The following BTBD9 variants were observed in gnomAD, a reference collection of about 807,000 sequenced individuals.
BTBD9 encodes the protein BTB/POZ domain-containing protein 9.
Under a neutral mutation model 64.3 loss-of-function variants are expected in BTBD9, and 49 were observed. The observed-to-expected ratio is 0.76, with a 90% CI of 0.61 to 0.97. The LOEUF (loss-of-function observed/expected upper bound fraction) is 0.97, where lower values mean the gene tolerates loss of function less well. Ranked by LOEUF, BTBD9 falls within the 50% of genes least tolerant of loss-of-function variation. The probability of loss-of-function intolerance (pLI) is 0.00; values close to 1 mark genes in which losing one functional copy is unlikely to be tolerated. For missense variants in BTBD9, 598 were observed against 762.1 expected, an observed-to-expected ratio of 0.78 and a Z score of 2.53; for synonymous variants, 260 against 274.7, an observed-to-expected ratio of 0.95 and a Z score of 0.53.
At chr6:38,496,951 T>G (rs1441852990) in intron 6 of BTBD9, among the ~76,000 whole-genome samples, 16 of 152,250 alleles carry the variant, frequency 1.1e-4, no homozygotes, top group Non-Finnish European at 1.5e-5. Flanking sequence ...CCTAGCCACA[T>G]GCTCTCACCA....
chr6:38,571,764 G>GCCTGGGCAACATGGCAAGGCC (rs1562356979), intron 6 of BTBD9: 1 of 152,468 alleles, frequency 6.6e-6, no homozygotes, highest in Non-Finnish European at 1.5e-5. Flanking sequence ...TTGAAGACCA[G>GCCTGGGCAACATGGCAAGGCC]CCTGGGCAAC....
At chr6:38,202,166 C>A (rs568937976) in intron 9 of BTBD9, among the ~76,000 whole-genome samples, 160 of 147,900 alleles carry the variant, frequency 1.1e-3, no homozygotes, top group African/African-American at 3.9e-3. Context: ...CTCACTGCAA[C>A]CTCCACCCCA....
chr6:38,532,224 A>AC (rs773067616), intron 6 of BTBD9, among the ~76,000 whole-genome samples: 4 of 152,228 alleles, frequency 2.6e-5, no homozygotes, highest in African/African-American at 4.8e-5. Flanking sequence ...GCTGATGGCC[A>AC]CAACAGCAGG....
intron 2 of BTBD9, among the ~76,000 whole-genome samples, chr6:38,596,591 G>A (rs1777039030): frequency 6.6e-6 from 1 of 151,914 alleles, no homozygotes; most frequent in African/African-American, 2.4e-5. Context: ...ACAAGGTCAG[G>A]AGATCCAGAC....
rs568351833 is a variant in BTBD9 at position 38,371,847 on chromosome 6, T to C, written c.1155-26754A>G. Among the ~76,000 whole-genome samples the C allele has an allele frequency of 1.6e-4, 24 of 152,314 alleles. 1 individual carries two copies. The highest frequency in any genetic ancestry group is 5.2e-4 in the Admixed American group (8 of 15,298). On this transcript the variant is annotated intron_variant, in intron 6 of 10. Coordinates refer to ENST00000481247, the MANE Select transcript of BTBD9 (RefSeq NM_001099272.2). ...ATCAATATCTAACCTATAATTACAATTGGGGACATTAATAAAATTTTTAAA... is the reference window on the plus strand; with the variant it reads ...ATCAATATCTAACCTATAATTACAACTGGGGACATTAATAAAATTTTTAAA...
chr6:38,300,933 G>A (rs1762370683), intron 7 of BTBD9, among the ~76,000 whole-genome samples: 1 of 152,164 alleles, frequency 6.6e-6, no homozygotes, highest in Non-Finnish European at 1.5e-5. Context: ...CCCCTGTCTT[G>A]TGCCAGTTTT....
chr6:38,217,268 G>A (rs1388648787), intron 9 of BTBD9, among the ~76,000 whole-genome samples: 2 of 138,742 alleles, frequency 1.4e-5, no homozygotes, highest in African/African-American at 2.7e-5. Context: ...GCAGTGAGCC[G>A]AGATAATGCC....
intron 4 of BTBD9, 26 bp from the exon 5 acceptor site, chr6:38,580,463 G>A (rs78513634): frequency 2.6e-6 from 4 of 1,560,712 alleles, no homozygotes; most frequent in African/African-American, 1.4e-5. Context: ...GAAAAAGCAA[G>A]GTTAATGATT....
chr6:38,461,748 C>G (rs1396632236), intron 6 of BTBD9, among the ~76,000 whole-genome samples: 1 of 151,592 alleles, frequency 6.6e-6, no homozygotes, highest in East Asian at 1.9e-4. Context: ...AAGCTGTTTT[C>G]CAATGCGGTT....
intron 6 of BTBD9, among the ~76,000 whole-genome samples, chr6:38,548,282 T>C (rs1774645420): frequency 6.6e-6 from 1 of 152,234 alleles, no homozygotes; most frequent in African/African-American, 2.4e-5. Flanking sequence ...AAACAATTCA[T>C]TTCCCTTTCA....
intron 5 of BTBD9, among the ~76,000 whole-genome samples, chr6:38,578,542 CCA>C (rs1776153136): frequency 6.6e-6 from 1 of 152,114 alleles, no homozygotes; most frequent in African/African-American, 2.4e-5. Flanking sequence ...ATCCTGCAAC[CCA>C]CAGTTGTGAC....
Position 38,465,686 on chromosome 6 carries a change from CTAAATAAATAAA to C in BTBD9, c.1154+111902_1154+111913del, listed in dbSNP as rs1171469261. ...TGGGTGACAGAGCTAGACTCCATCT[CTAAATAAATAAA>C]TAAATAAATTATATATATATATATA... is the stretch of plus-strand genomic sequence containing the variant. On this transcript the variant is annotated intron_variant, in intron 6 of 10. Coordinates refer to ENST00000481247, the MANE Select transcript of BTBD9 (RefSeq NM_001099272.2). Among the ~76,000 whole-genome samples the C allele has an allele frequency of 1.6e-3, 178 of 112,232 alleles. 3 individuals are homozygous for C. Among genetic ancestry groups the C allele is most frequent in the African/African-American group, 5.9e-3 (174 of 29,304 alleles). The allele number at this position is 112,232 out of a possible 152,430, so 73.6% of individuals were successfully genotyped here. A position where few individuals can be genotyped will look rare whatever the true frequency, so the allele number is the denominator to read the frequency against.
At chr6:38,449,604 C>A (rs1027560928) in intron 6 of BTBD9, among the ~76,000 whole-genome samples, 3 of 151,986 alleles carry the variant, frequency 2.0e-5, no homozygotes, top group African/African-American at 7.3e-5. Flanking sequence ...TATTTCTCAC[C>A]ATATATAAAA....
Position 38,184,116 on chromosome 6 carries a change from G to T in BTBD9, c.1641+8403C>A, listed in dbSNP as rs1761705852. Among the ~76,000 whole-genome samples the T allele has an allele frequency of 6.6e-6, 1 of 152,212 alleles. No homozygotes were observed. Among genetic ancestry groups the T allele is most frequent in the African/African-American group, 2.4e-5 (1 of 41,450 alleles). ...CCACCCACAGTCCCTGCAGCCTGTTGTATGAGATGCTGTGTTTGCTTACCC... is the reference window on the plus strand; with the variant it reads ...CCACCCACAGTCCCTGCAGCCTGTTTTATGAGATGCTGTGTTTGCTTACCC... On this transcript the variant is annotated intron_variant, in intron 10 of 10. Coordinates refer to ENST00000481247, the MANE Select transcript of BTBD9 (RefSeq NM_001099272.2). The surrounding 1 kb of genome is among the most constrained non-coding windows in gnomAD (Gnocchi z 4.4).
rs1268870960 is a variant in BTBD9, at chr6:38,368,234, T to C, written c.1155-23141A>G. On this transcript the variant is annotated intron_variant, in intron 6 of 10. Transcript: ENST00000481247. ...CACATGTATATCTGCACTTTATACA[T>C]AAAAAAGAGGGAGACTTTTTTCCCC... Among the ~76,000 whole-genome samples the C allele has an allele frequency of 2.6e-5, 4 of 152,202 alleles. No individual in the cohort carries two copies. The East Asian group carries it at 7.7e-4, about 29-fold the overall frequency.
chr6:38,212,376 C>G (rs1204538081), intron 9 of BTBD9, among the ~76,000 whole-genome samples: 1 of 152,184 alleles, frequency 6.6e-6, no homozygotes, highest in African/African-American at 2.4e-5. Context: ...CTGGGCCAGC[C>G]TGCGCTGGGG....
intron 10 of BTBD9, among the ~76,000 whole-genome samples, chr6:38,180,316 A>G (rs1302667480): frequency 6.6e-6 from 1 of 152,206 alleles, no homozygotes; most frequent in Non-Finnish European, 1.5e-5. Flanking sequence ...CTGGGCGTGA[A>G]GCTGCCTCCG....
At chr6:38,192,242 G>A (rs1762102660) in intron 10 of BTBD9, among the ~76,000 whole-genome samples, 1 of 152,152 alleles carries the variant, frequency 6.6e-6, no homozygotes, top group Admixed American at 6.5e-5. Context: ...CAAGGGATGG[G>A]GTGTTTGACC....
rs542659665 is a variant in BTBD9 at position 38,385,410 on chromosome 6, G to A, written c.1155-40317C>T. The stretch of plus-strand genomic sequence containing the variant: ...TCACCATGTTAGCCAGCCTGGTCTC[G>A]AACTTCTGACCTCATGTGATCCACC... On this transcript the variant is annotated intron_variant, in intron 6 of 10. Transcript: ENST00000481247. Among the ~76,000 whole-genome samples the A allele has an allele frequency of 3.3e-5, 5 of 151,710 alleles. No individual in the cohort carries two copies. In the East Asian group the frequency reaches 7.8e-4, roughly 24 times the overall value.
Sources: gnomAD v4.1 joint callset for allele counts (sites outside exome capture counted in the v4.1 genomes callset) on GRCh38, gnomAD v4.1.1 for gene constraint, Gnocchi (gnomAD v3.1) non-coding constraint, MANE v1.5 for transcripts, NCBI Gene and HGNC (gene_info 2026-07-23, HGNC 2026-07-21) for gene names.